Variants in DYNC1I1 observed in about 807,000 individuals in gnomAD.
DYNC1I1 encodes cytoplasmic dynein 1 intermediate chain 1.
DYNC1I1 carries 43 observed loss-of-function variants against 86.6 expected under a neutral mutation model. That is an observed-to-expected ratio of 0.50 (90% CI 0.39 to 0.64). The LOEUF (loss-of-function observed/expected upper bound fraction) is 0.64. Among genes scored for constraint, DYNC1I1 ranks in the 30% least tolerant of loss-of-function variants. The probability of loss-of-function intolerance (pLI) is 0.00; values close to 1 mark genes in which losing one functional copy is unlikely to be tolerated. For missense variants in DYNC1I1, 604 were observed against 788.8 expected (o/e 0.77, Z 2.81); for synonymous variants, 262 against 283.7 (o/e 0.92, Z 0.77).
chr7:95,952,966 G>A (rs1288010356), intron 6 of DYNC1I1, among the ~76,000 whole-genome samples: 2 of 151,824 alleles, frequency 1.3e-5, no homozygotes, highest in South Asian at 2.1e-4. Flanking sequence ...CAAGAGTCCA[G>A]GGGTGACCAT....
At chr7:96,017,422 A>G (rs1159917731) in intron 10 of DYNC1I1, among the ~76,000 whole-genome samples, 2 of 152,204 alleles carry the variant, frequency 1.3e-5, no homozygotes, top group African/African-American at 4.8e-5. Context: ...AACTTTAGTG[A>G]ACTGTTGGCA....
intron 2 of DYNC1I1, among the ~76,000 whole-genome samples, chr7:95,808,546 A>G (rs560835422): frequency 1.3e-5 from 2 of 152,276 alleles, no homozygotes; most frequent in South Asian, 4.1e-4. Context: ...AATTGGCTTT[A>G]ATGCAATGAG....
chr7:96,020,881 T>C (rs1794529170), intron 10 of DYNC1I1, among the ~76,000 whole-genome samples: 1 of 152,094 alleles, frequency 6.6e-6, no homozygotes, highest in Admixed American at 6.6e-5. Context: ...CTAAGTGAAA[T>C]AGCCAATCAC....
chr7:95,785,227 C>G (rs756604424), intron 1 of DYNC1I1, among the ~76,000 whole-genome samples: 1 of 152,084 alleles, frequency 6.6e-6, no homozygotes, highest in Non-Finnish European at 1.5e-5. Context: ...GCCTGGACAA[C>G]ATGGTAAAAC....
intron 10 of DYNC1I1, among the ~76,000 whole-genome samples, chr7:96,012,261 T>C (rs573657595): frequency 1.3e-4 from 20 of 152,280 alleles, no homozygotes; most frequent in Non-Finnish European, 2.5e-4. Context: ...TATGCACTCA[T>C]GGGTTGCAAA....
At chr7:95,818,485 T>C in intron 4 of DYNC1I1, 3 of 667,982 alleles carry the variant, frequency 4.5e-6, no homozygotes, top group East Asian at 2.7e-5. Context: ...TTTTTTTTTT[T>C]TTTTTTTTTG....
intron 2 of DYNC1I1, among the ~76,000 whole-genome samples, chr7:95,808,921 G>T (rs961269549): frequency 6.6e-6 from 1 of 152,002 alleles, no homozygotes; most frequent in Non-Finnish European, 1.5e-5. Flanking sequence ...TCTCATCTTA[G>T]TTCTATCTTT....
intron 6 of DYNC1I1, among the ~76,000 whole-genome samples, chr7:95,921,888 T>C (rs577202675): frequency 2.6e-5 from 4 of 152,192 alleles, no homozygotes; most frequent in Non-Finnish European, 5.9e-5. Context: ...AGCAACTGCT[T>C]TGTGCAATTA....
intron 10 of DYNC1I1, among the ~76,000 whole-genome samples, chr7:96,008,505 C>A (rs1794196213): frequency 6.6e-6 from 1 of 152,146 alleles, no homozygotes; most frequent in South Asian, 2.1e-4. Context: ...AGATTATTTT[C>A]ATTTCTCTGT....
chr7:96,063,201 G>C (rs747542687), intron 14 of DYNC1I1, among the ~76,000 whole-genome samples: 1 of 151,884 alleles, frequency 6.6e-6, no homozygotes, highest in Non-Finnish European at 1.5e-5. Flanking sequence ...GCTGATGGTT[G>C]AGCCGTAGTC....
At chr7:95,779,325 A>G (rs1793925811) in intron 1 of DYNC1I1, among the ~76,000 whole-genome samples, 1 of 152,184 alleles carries the variant, frequency 6.6e-6, no homozygotes, top group South Asian at 2.1e-4. Context: ...TAATGAGAAG[A>G]AGAGATCAGA....
chr7:96,021,241 A>G (rs1794542048), intron 10 of DYNC1I1, among the ~76,000 whole-genome samples: 1 of 152,186 alleles, frequency 6.6e-6, no homozygotes. Context: ...ATGCAAACAA[A>G]CAACTTAAGG....
intron 9 of DYNC1I1, among the ~76,000 whole-genome samples, chr7:95,993,414 T>C (rs1192077385): frequency 6.6e-6 from 1 of 152,230 alleles, no homozygotes; most frequent in East Asian, 1.9e-4. Flanking sequence ...GGTGATATTA[T>C]TGCAGAAACA....
At chr7:95,827,923 G>T in intron 4 of DYNC1I1, 134 bp from the exon 5 acceptor site, 1 of 757,178 alleles carries the variant, frequency 1.3e-6, no homozygotes. Context: ...GGGTGGAGGG[G>T]ATGGAAGGGG....
intron 16 of DYNC1I1, among the ~76,000 whole-genome samples, chr7:96,096,091 A>G (rs1363541351): frequency 6.6e-6 from 1 of 152,174 alleles, no homozygotes; most frequent in Non-Finnish European, 1.5e-5. Flanking sequence ...TATCATTTCC[A>G]GAATTATATT....
chr7:95,825,514 TA>T (rs1795185813), intron 4 of DYNC1I1, among the ~76,000 whole-genome samples: 1 of 152,180 alleles, frequency 6.6e-6, no homozygotes, highest in African/African-American at 2.4e-5. Flanking sequence ...TGAATTACGT[TA>T]ACATATTCCA....
chr7:95,977,611 G>A lies in DYNC1I1; in HGVS notation c.580+10G>A. On this transcript the variant is annotated intron_variant, in intron 7 of 16. Transcript: ENST00000447467. ...CAGGAAGTGAAGGAAGGTATGATAT[G>A]GAAAATAAACTGAGTAATCATTTTA... 1.2e-6 allele frequency: 2 copies of A among 1,608,376 alleles called. No individual in the cohort carries two copies. Among genetic ancestry groups the A allele is most frequent in the Non-Finnish European group, 1.7e-6 (2 of 1,177,472 alleles).
chr7:95,846,310 C>G (rs1789424050), intron 5 of DYNC1I1, among the ~76,000 whole-genome samples: 3 of 152,082 alleles, frequency 2.0e-5, no homozygotes, highest in Non-Finnish European at 4.4e-5. Flanking sequence ...TATTTTGATT[C>G]TTCTCTCATC....
intron 7 of DYNC1I1, 119 bp downstream of exon 7, chr7:95,977,720 T>G: frequency 1.3e-6 from 1 of 778,264 alleles, no homozygotes; most frequent in Non-Finnish European, 2.0e-6. Context: ...TATGGAAGAT[T>G]TTCTATGATT....
Sources: allele counts gnomAD v4.1 joint callset (sites outside exome capture counted in the v4.1 genomes callset), GRCh38; gene constraint gnomAD v4.1.1; transcripts MANE v1.5; gene names NCBI Gene and HGNC (gene_info 2026-07-23, HGNC 2026-07-21).